TMED3: variants seen among roughly 807,000 people sequenced by gnomAD.
TMED3 encodes transmembrane p24 trafficking protein 3, also known as transmembrane emp24 domain-containing protein 3.
TMED3 carries 9 observed loss-of-function variants against 15.0 expected under a neutral mutation model. The observed-to-expected ratio is 0.60, with a 90% CI of 0.36 to 1.04. TMED3 has a LOEUF of 1.04. Among genes scored for constraint, TMED3 ranks in the 50% least tolerant of loss-of-function variants. The pLI, the probability that TMED3 is intolerant of heterozygous loss-of-function variation, is 0.01. For missense variants in TMED3, 267 were observed against 278.9 expected (o/e 0.96, Z 0.30); for synonymous variants, 117 against 121.4 (o/e 0.96, Z 0.24).
chr15:79,332,534 A>G (rs1400909932), intron 2 of TMED3, among the ~76,000 whole-genome samples: 2 of 152,194 alleles, frequency 1.3e-5, no homozygotes, highest in Non-Finnish European at 2.9e-5. Context: ...CTTAAGGGCA[A>G]CCCTCCAGCA....
At chr15:79,374,733 G>C (rs1310967975) in intron 2 of TMED3, among the ~76,000 whole-genome samples, 1 of 152,176 alleles carries the variant, frequency 6.6e-6, no homozygotes, top group Non-Finnish European at 1.5e-5. Context: ...ATGAAGCATG[G>C]TTAATTATAA....
At chr15:79,387,583 C>T (rs1238323680) in intron 2 of TMED3, among the ~76,000 whole-genome samples, 1 of 141,626 alleles carries the variant, frequency 7.1e-6, no homozygotes, top group African/African-American at 2.5e-5. Context: ...AATACACACA[C>T]ACATGCACCT....
At chr15:79,383,182 CGT>C (rs1893566515) in intron 2 of TMED3, 1 of 674,046 alleles carries the variant, frequency 1.5e-6, no homozygotes, top group Admixed American at 2.4e-5. Context: ...TTATTGCTTA[CGT>C]GGTAATCAGT....
chr15:79,404,755 A>G (rs1893880442), intron 2 of TMED3, among the ~76,000 whole-genome samples: 1 of 152,174 alleles, frequency 6.6e-6, no homozygotes, highest in Admixed American at 6.5e-5. Context: ...AAACTTGACC[A>G]TTTAGGGTGA....
chr15:79,410,996 G>A (rs1035679493), intron 2 of TMED3, among the ~76,000 whole-genome samples: 22 of 152,058 alleles, frequency 1.4e-4, no homozygotes, highest in African/African-American at 2.7e-4. Flanking sequence ...TTTGTAACCC[G>A]AGAACAAGAA....
At chr15:79,315,052 GC>G (rs2058734946) in intron 2 of TMED3, among the ~76,000 whole-genome samples, 1 of 152,142 alleles carries the variant, frequency 6.6e-6, no homozygotes, top group African/African-American at 2.4e-5. Context: ...CAGAACCAAA[GC>G]CACAGCGTCT....
chr15:79,378,382 T>C (rs58452086), intron 2 of TMED3, among the ~76,000 whole-genome samples: 5,018 of 152,320 alleles, frequency 0.033, 267 homozygotes, highest in African/African-American at 0.11. Flanking sequence ...TTCTAGTTGG[T>C]ATGTGGCTCT....
At chr15:79,384,397 G>A (rs1893593698) in intron 2 of TMED3, 2 of 152,278 alleles carry the variant, frequency 1.3e-5, no homozygotes, top group African/African-American at 4.8e-5. Context: ...TGTCGGAATA[G>A]GAAAGAGTGT....
exon 3 of TMED3, chr15:79,413,737 G>A (rs1471724756): frequency 6.6e-6 from 1 of 152,210 alleles, no homozygotes; most frequent in Admixed American, 6.5e-5. Context: ...GTGAGTCCTG[G>A]TTGGACAGTG....
chr15:79,364,092 A>G (rs1292236187), intron 2 of TMED3, among the ~76,000 whole-genome samples: 1 of 152,200 alleles, frequency 6.6e-6, no homozygotes, highest in Admixed American at 6.5e-5. Flanking sequence ...GTATTTTTTA[A>G]GCAAAAGGAA....
chr15:79,315,151 C>T (rs949546327), intron 2 of TMED3, among the ~76,000 whole-genome samples: 5 of 152,302 alleles, frequency 3.3e-5, no homozygotes, highest in Admixed American at 2.0e-4. Flanking sequence ...TCACGAGTGC[C>T]TGTGGATTCA....
chr15:79,350,513 A>G (rs2058887732), intron 2 of TMED3, among the ~76,000 whole-genome samples: 1 of 152,086 alleles, frequency 6.6e-6, no homozygotes, highest in Non-Finnish European at 1.5e-5. Context: ...TGAGGGCAGG[A>G]AGCATCCAGC....
At chr15:79,363,410 C>A (rs887432367) in intron 2 of TMED3, among the ~76,000 whole-genome samples, 3 of 150,724 alleles carry the variant, frequency 2.0e-5, no homozygotes, top group African/African-American at 7.3e-5. Context: ...TCCTTGCATA[C>A]TGTATCACAA....
chr15:79,347,096 A>G (rs1439830365), intron 2 of TMED3, among the ~76,000 whole-genome samples: 1 of 152,138 alleles, frequency 6.6e-6, no homozygotes, highest in Non-Finnish European at 1.5e-5. Context: ...CTTCAGGTCA[A>G]TTTCCTAGAT....
At position 79,322,491 on chromosome 15, in the gene TMED3, C is replaced by A. The variant is rs1777605870; in HGVS notation, c.*277C>A. The A allele has an allele frequency of 2.4e-6, 3 of 1,261,572 alleles. No individual in the cohort carries two copies. Among genetic ancestry groups the A allele is most frequent in the African/African-American group, 1.5e-5 (1 of 66,012 alleles). The allele number at this position is 1,261,572 out of a possible 1,614,324, so 78.1% of individuals were successfully genotyped here. A position where few individuals can be genotyped will look rare whatever the true frequency, so the allele number is the denominator to read the frequency against. On this transcript the variant is annotated 3_prime_UTR_variant, in exon 3 of 3. Coordinates refer to ENST00000299705, the MANE Select transcript of TMED3 (RefSeq NM_007364.4). Reference sequence around the variant, plus strand: ...TAGCCACTGTGGGAGGGTGGACAGGCAATGGTTCAGTGGCCTGGCTGTTGG... The same window carrying A: ...TAGCCACTGTGGGAGGGTGGACAGGAAATGGTTCAGTGGCCTGGCTGTTGG...
chr15:79,324,427 A>G (rs1355878078), downstream of TMED3, among the ~76,000 whole-genome samples: 1 of 152,244 alleles, frequency 6.6e-6, no homozygotes, highest in African/African-American at 2.4e-5. Flanking sequence ...CAGTTCCATA[A>G]GAAAGATGAA....
At chr15:79,406,197 G>A (rs1266031503) in intron 2 of TMED3, among the ~76,000 whole-genome samples, 2 of 152,192 alleles carry the variant, frequency 1.3e-5, no homozygotes, top group African/African-American at 4.8e-5. Flanking sequence ...ATTTCACCCA[G>A]GAGGCAGAAT....
intron 2 of TMED3, among the ~76,000 whole-genome samples, chr15:79,361,904 A>G (rs1186571583): frequency 2.0e-5 from 3 of 152,170 alleles, no homozygotes; most frequent in African/African-American, 7.2e-5. Context: ...TAAAAAAAGT[A>G]TTAATCACTT....
intron 2 of TMED3, among the ~76,000 whole-genome samples, chr15:79,399,618 C>T (rs753777226): frequency 2.8e-4 from 42 of 152,174 alleles, no homozygotes; most frequent in East Asian, 7.7e-4. Flanking sequence ...GTCCTTTATC[C>T]GGCCTGTAAT....
Sources: allele counts gnomAD v4.1 joint callset (sites outside exome capture counted in the v4.1 genomes callset), GRCh38; gene constraint gnomAD v4.1.1; transcripts MANE v1.5; gene names NCBI Gene and HGNC (gene_info 2026-07-23, HGNC 2026-07-21).